PIGB: variants seen among roughly 807,000 people sequenced by gnomAD.
PIGB encodes GPI alpha-1,2-mannosyltransferase 3.
A neutral mutation model predicts 68.4 loss-of-function variants in PIGB; 58 were observed. That is an observed-to-expected ratio of 0.85 (90% confidence interval 0.69 to 1.06). PIGB has a LOEUF of 1.06. Ranked by LOEUF, PIGB falls within the 50% of genes least tolerant of loss-of-function variation. The pLI is 0.00. For missense variants in PIGB, 634 were observed against 655.8 expected (o/e 0.97, Z 0.36); for synonymous variants, 219 against 220.5 (o/e 0.99, Z 0.06).
At chr15:55,337,068 T>C (rs972499076) in intron 6 of PIGB, among the ~76,000 whole-genome samples, 16 of 152,276 alleles carry the variant, frequency 1.1e-4, no homozygotes, top group East Asian at 5.8e-4. Context: ...AGAAAAATTA[T>C]TGAAAAGGTT....
Position 55,326,286 on chromosome 15 carries a change from T to G in PIGB, c.418-1245T>G, listed in dbSNP as rs199571923. Reference sequence around the variant, plus strand: ...TATTATCTTATACATAATATTATCTTATTATCTATATTGCAGGATAGAGAA... The same window carrying G: ...TATTATCTTATACATAATATTATCTGATTATCTATATTGCAGGATAGAGAA... On this transcript the variant is annotated intron_variant, in intron 3 of 11. Coordinates refer to ENST00000164305, the MANE Select transcript of PIGB (RefSeq NM_004855.5). Among the ~76,000 whole-genome samples the G allele has an allele frequency of 5.3e-5, 8 of 152,080 alleles. No homozygotes were observed. In the East Asian group the frequency reaches 1.5e-3, roughly 29 times the overall value.
At chr15:55,350,959 C>A in intron 10 of PIGB, 47 bp downstream of exon 10, 2 of 960,492 alleles carry the variant, frequency 2.1e-6, no homozygotes, top group Non-Finnish European at 3.1e-6. Flanking sequence ...CTGAAACTGA[C>A]TACTTTAAAA....
chr15:55,341,794 T>G lies in PIGB; in HGVS notation c.1115T>G (p.Val372Gly). ...TATCCAGTTTTACCATTCTGTATGG[T>G]GTTCTGTGGTAAGTGCTTTTGTTTG... is the stretch of plus-strand genomic sequence containing the variant. ...FIYPVLPFCM[V>G]FCGYSLTHLK... The change falls in exon 9 of 12, where the codon GTG (valine) becomes GGG (glycine). Residue 372 changes from valine (V) to glycine (G), a missense_variant. Transcript: ENST00000164305. 1 of 1,436,062 alleles carries G rather than the reference T, an allele frequency of 7.0e-7. No homozygotes were observed. Among genetic ancestry groups the G allele is most frequent in the South Asian group, 1.5e-5 (1 of 64,786 alleles). 89.0% of individuals were successfully genotyped at this position (1,436,062 alleles called of 1,614,324 possible). A position where few individuals can be genotyped will look rare whatever the true frequency, so the allele number is the denominator to read the frequency against.
intron 10 of PIGB, among the ~76,000 whole-genome samples, chr15:55,353,787 T>C (rs2055987647): frequency 6.6e-6 from 1 of 151,946 alleles, no homozygotes; most frequent in Non-Finnish European, 1.5e-5. Context: ...GTACTTTTAG[T>C]AGATACAGGG....
intron 6 of PIGB, among the ~76,000 whole-genome samples, chr15:55,336,962 C>A (rs528554756): frequency 6.6e-6 from 1 of 152,322 alleles, no homozygotes; most frequent in Non-Finnish European, 1.5e-5. Context: ...TGCACTCCAG[C>A]CTGGGCAACA....
intron 2 of PIGB, 109 bp from the exon 3 acceptor site, chr15:55,321,164 C>T: frequency 1.0e-6 from 1 of 958,782 alleles, no homozygotes; most frequent in Non-Finnish European, 1.5e-6. Flanking sequence ...CCACTTGAGC[C>T]CAAGTTTGAG....
chr15:55,350,518 C>A (rs1296850837), intron 9 of PIGB, 181 bp from the exon 10 acceptor site: 3 of 592,346 alleles, frequency 5.1e-6, no homozygotes, highest in East Asian at 5.6e-5. Flanking sequence ...TAGAAAAAGT[C>A]AAGACCTAGA....
At chr15:55,348,012 C>T (rs1006399437) in intron 9 of PIGB, among the ~76,000 whole-genome samples, 15 of 115,430 alleles carry the variant, frequency 1.3e-4, no homozygotes, top group Non-Finnish European at 2.2e-4. Flanking sequence ...TTTTTTGAGA[C>T]GACATCTCGC....
rs35201245 is a variant in PIGB, at chr15:55,327,566, T to G, written c.453T>G (p.Ser151=). The part of the protein sequence containing the change: ...WIPRLAQALL[S]AVADVRLYSL... ...CTAGACTTGCCCAAGCACTTCTGTC[T>G]GCTGTAGCAGATGTGAGACTTTACT... Residue 151 remains serine (S), a synonymous_variant, in exon 4 of 12, where the codon TCT becomes TCG. Transcript: ENST00000164305. 1.2e-6 allele frequency: 2 copies of G among 1,612,188 alleles called. No homozygotes were observed. The highest frequency in any genetic ancestry group is 1.7e-6 in the Non-Finnish European group (2 of 1,179,174).
At chr15:55,334,928 C>T (rs2055500728) in intron 6 of PIGB, among the ~76,000 whole-genome samples, 1 of 152,164 alleles carries the variant, frequency 6.6e-6, no homozygotes, top group African/African-American at 2.4e-5. Flanking sequence ...CCATGTTGGC[C>T]AGCTAGTCTC....
intron 6 of PIGB, among the ~76,000 whole-genome samples, chr15:55,337,706 A>G (rs1188628958): frequency 2.6e-5 from 4 of 152,216 alleles, no homozygotes; most frequent in Non-Finnish European, 5.9e-5. Flanking sequence ...ATGCACATAT[A>G]TGGATACCAA....
At chr15:55,352,524 C>T (rs1465494655) in intron 10 of PIGB, among the ~76,000 whole-genome samples, 1 of 152,138 alleles carries the variant, frequency 6.6e-6, no homozygotes, top group Non-Finnish European at 1.5e-5. Context: ...TTGTGGCTCA[C>T]GCCTGTAATC....
rs935671730 is a variant in PIGB, at chr15:55,352,757, A to AAAAT, written c.1337+1859_1337+1862dup. ...GGGCGACAGAGCGAGACTCAACCTA[A>AAAAT]AAATAAATAAATAAATACATAAAAT... On this transcript the variant is annotated intron_variant, in intron 10 of 11. Transcript: ENST00000164305. Among the ~76,000 whole-genome samples, 40 of 152,308 alleles carry AAAAT rather than the reference A, an allele frequency of 2.6e-4. 1 individual carries two copies. The highest frequency in any genetic ancestry group is 9.4e-4 in the African/African-American group (39 of 41,564).
In PIGB at chr15:55,329,797, T is replaced by C. The variant is rs2055373498; in HGVS notation, c.596T>C (p.Val199Ala). The change falls in exon 5 of 12, where the codon GTT (valine) becomes GCT (alanine). Residue 199 changes from valine (V) to alanine (A), a missense_variant. Coordinates refer to ENST00000164305, the MANE Select transcript of PIGB (RefSeq NM_004855.5). Reference sequence around the variant, plus strand: ...ACCCTTACAAACACCATGGAAACTGTTCTCACTATAATTGCTCTTTTCTAC... The same window carrying C: ...ACCCTTACAAACACCATGGAAACTGCTCTCACTATAATTGCTCTTTTCTAC... ...TRTLTNTMET[V>A]LTIIALFYYP... is the part of the protein sequence containing the mutation. The C allele has an allele frequency of 1.2e-6, 2 of 1,607,846 alleles. No individual in the cohort carries two copies. The highest frequency in any genetic ancestry group is 4.5e-5 in the East Asian group (2 of 44,814).
At chr15:55,328,859 G>A (rs751708808) in intron 4 of PIGB, among the ~76,000 whole-genome samples, 4 of 152,090 alleles carry the variant, frequency 2.6e-5, no homozygotes, top group East Asian at 1.9e-4. Context: ...CCAGCTACTC[G>A]GGAGGCTAAG....
chr15:55,353,843 G>A (rs1455160893), intron 10 of PIGB, among the ~76,000 whole-genome samples: 4 of 151,896 alleles, frequency 2.6e-5, no homozygotes, highest in Non-Finnish European at 2.9e-5. Context: ...GACCTCCAGT[G>A]ATCCACATGC....
chr15:55,333,823 A>C (rs2055476532), intron 5 of PIGB, 44 bp from the exon 6 acceptor site: 1 of 1,426,906 alleles, frequency 7.0e-7, no homozygotes, highest in South Asian at 1.4e-5. Context: ...AGATAACTTC[A>C]AGTTAATTTC....
intron 3 of PIGB, among the ~76,000 whole-genome samples, chr15:55,325,076 C>T (rs914225639): frequency 3.9e-5 from 6 of 152,032 alleles, no homozygotes; most frequent in African/African-American, 1.5e-4. Context: ...CCTGTAATCC[C>T]AGCACTTTGG....
chr15:55,338,694 T>G (rs1455649857), intron 6 of PIGB, among the ~76,000 whole-genome samples: 1 of 152,128 alleles, frequency 6.6e-6, no homozygotes, highest in Non-Finnish European at 1.5e-5. Flanking sequence ...GGCTTCCATC[T>G]TGGGTGCCTG....
Sources: allele counts gnomAD v4.1 joint callset (sites outside exome capture counted in the v4.1 genomes callset), GRCh38; gene constraint gnomAD v4.1.1; transcripts MANE v1.5; gene names NCBI Gene and HGNC (gene_info 2026-07-23, HGNC 2026-07-21).